The following WDFY4 variants were observed in gnomAD, a reference collection of about 807,000 sequenced individuals.
WDFY4 encodes the protein WDFY family member 4.
A neutral mutation model predicts 351.9 loss-of-function variants in WDFY4; 169 were observed. The observed-to-expected ratio is 0.48, with a 90% confidence interval of 0.42 to 0.55. The LOEUF (loss-of-function observed/expected upper bound fraction) is 0.55. Among genes scored for constraint, WDFY4 ranks in the 20% least tolerant of loss-of-function variants. WDFY4 has a pLI of 0.00. For missense variants in WDFY4, 3,803 were observed against 3,935.6 expected (o/e 0.97, Z 0.90); for synonymous variants, 1,622 against 1,574.6 (o/e 1.03, Z -0.71).
intron 13 of WDFY4, among the ~76,000 whole-genome samples, chr10:48,762,632 C>G (rs927099491): frequency 7.9e-5 from 12 of 152,212 alleles, no homozygotes; most frequent in Admixed American, 7.9e-4. Flanking sequence ...GGCTGGCTCC[C>G]TGGCAAAGGG....
intron 19 of WDFY4, among the ~76,000 whole-genome samples, chr10:48,781,226 A>G (rs1269361891): frequency 6.8e-6 from 1 of 146,668 alleles, no homozygotes; most frequent in East Asian, 2.0e-4. Flanking sequence ...AAATATATAT[A>G]TATGTGTGTG....
Position 48,900,248 on chromosome 10 carries a change from A to G in WDFY4, c.7465A>G (p.Asn2489Asp), listed in dbSNP as rs202238445. The change falls in exon 46 of 62, where the codon AAT becomes GAT. Residue 2489 changes from asparagine (N) to aspartate (D), a missense_variant. By Grantham distance (23) the Asn-to-Asp change is conservative (BLOSUM62 1). Transcript: ENST00000325239. ...QDIALEIFFH[N>D]GYSKFLVFYN... is the part of the protein sequence containing the mutation. Reference sequence around the variant, plus strand: ...CATCGCCCTGGAGATCTTCTTCCACAATGGATATTCCAAGTTTCTTGTCTT... The same window carrying G: ...CATCGCCCTGGAGATCTTCTTCCACGATGGATATTCCAAGTTTCTTGTCTT... 1.7e-4 allele frequency: 261 copies of G among 1,551,710 alleles called. No individual in the cohort carries two copies. The African/African-American group carries it at 3.0e-3, about 18-fold the overall frequency.
chr10:48,907,880 C>T (rs1364397501), intron 47 of WDFY4, among the ~76,000 whole-genome samples: 4 of 152,218 alleles, frequency 2.6e-5, no homozygotes, highest in African/African-American at 9.7e-5. Context: ...CTACTCATAT[C>T]CTCTGTCTAT....
chr10:48,743,786 A>C (rs1421347195), intron 12 of WDFY4, among the ~76,000 whole-genome samples: 2 of 152,174 alleles, frequency 1.3e-5, no homozygotes, highest in African/African-American at 2.4e-5. Context: ...GAGTCACATA[A>C]GAACCAGGGA....
In WDFY4 at chr10:48,927,099, T is replaced by C. The variant is rs936155893; in HGVS notation, c.7587-14707T>C. Among the ~76,000 whole-genome samples the C allele has an allele frequency of 2.6e-5, 4 of 152,328 alleles. No individual in the cohort carries two copies. The South Asian group carries it at 8.3e-4, about 32-fold the overall frequency. On this transcript the variant is annotated intron_variant, in intron 47 of 61. Transcript: ENST00000325239. ...TGCCCCTGTATCAGGGGCGGCTGTATGCAGACTGCCTGAAGTTTGATTTTT... is the reference window on the plus strand; with the variant it reads ...TGCCCCTGTATCAGGGGCGGCTGTACGCAGACTGCCTGAAGTTTGATTTTT...
chr10:48,958,375 A>T (rs1841705283), intron 52 of WDFY4, among the ~76,000 whole-genome samples: 1 of 151,312 alleles, frequency 6.6e-6, no homozygotes, highest in African/African-American at 2.4e-5. Context: ...AGCAGGAGTC[A>T]CTCAGGGAGG....
intron 40 of WDFY4, among the ~76,000 whole-genome samples, chr10:48,870,242 G>T (rs1229417278): frequency 6.6e-6 from 1 of 152,148 alleles, no homozygotes; most frequent in African/African-American, 2.4e-5. Flanking sequence ...GCTGTGATTC[G>T]AAAATCATAA....
In WDFY4 at chr10:48,824,283, G is replaced by A. The variant is rs369440851; in HGVS notation, c.5982+1746G>A. 4.1e-5 allele frequency: 30 copies of A among 728,600 alleles called. 1 individual carries two copies. The East Asian group carries it at 1.1e-3, about 26-fold the overall frequency. The allele number at this position is 728,600 out of a possible 1,614,324, so 45.1% of individuals were successfully genotyped here. On this transcript the variant is annotated intron_variant, in intron 35 of 61. Transcript: ENST00000325239. ...CTTATCCGTACAGTGGGGTAACTTA[G>A]CGTCTATGGTGTTTTTATGACAAAC...
chr10:48,726,088 A>G lies in WDFY4; in HGVS notation c.781+18A>G, dbSNP rs1319696767. The G allele has an allele frequency of 6.5e-7, 1 of 1,530,690 alleles. No homozygotes were observed. The highest frequency in any genetic ancestry group is 1.2e-5 in the South Asian group (1 of 83,654). The allele number at this position is 1,530,690 out of a possible 1,614,324, so 94.8% of individuals were successfully genotyped here. A position where few individuals can be genotyped will look rare whatever the true frequency, so the allele number is the denominator to read the frequency against. On this transcript the variant is annotated intron_variant, in intron 6 of 61. Transcript: ENST00000325239. ...CCTGCAGGGTATGGCCCGGGAAATT[A>G]GATGTGGGCTGTGGGCCATGCAAGG...
chr10:48,758,525 G>A (rs867676505), intron 12 of WDFY4, among the ~76,000 whole-genome samples: 2 of 151,960 alleles, frequency 1.3e-5, no homozygotes, highest in Non-Finnish European at 2.9e-5. Context: ...ACTCTTTCTC[G>A]TCTCCTTGGA....
At chr10:48,739,893 G>A (rs1167800931) in intron 11 of WDFY4, among the ~76,000 whole-genome samples, 1 of 152,114 alleles carries the variant, frequency 6.6e-6, no homozygotes, top group Non-Finnish European at 1.5e-5. Context: ...TTTGAGTGAT[G>A]GAGTTCTTTT....
intron 19 of WDFY4, among the ~76,000 whole-genome samples, chr10:48,785,242 T>TA (rs1455629034): frequency 3.2e-4 from 49 of 152,216 alleles, no homozygotes; most frequent in Non-Finnish European, 1.6e-4. Context: ...TACATATATA[T>TA]TCTAGACACT....
At chr10:48,746,292 G>A (rs1482679732) in intron 12 of WDFY4, among the ~76,000 whole-genome samples, 1 of 152,206 alleles carries the variant, frequency 6.6e-6, no homozygotes, top group African/African-American at 2.4e-5. Context: ...TTCTTATGGA[G>A]TCTAAATTTT....
At chr10:48,710,004 C>A in intron 2 of WDFY4, 38 bp downstream of exon 2, 1 of 1,496,350 alleles carries the variant, frequency 6.7e-7, no homozygotes, top group South Asian at 1.3e-5. Flanking sequence ...AGGTGATAGG[C>A]GCTCTGGGAC....
chr10:48,775,739 A>G lies in WDFY4; in HGVS notation c.2796A>G (p.Ser932=), dbSNP rs1197155816. 8 of 1,551,684 alleles carry G rather than the reference A, an allele frequency of 5.2e-6. No homozygotes were observed. Among genetic ancestry groups the G allele is most frequent in the Non-Finnish European group, 7.0e-6 (8 of 1,146,980 alleles). Residue 932 remains serine, a synonymous_variant, in exon 15 of 62, where the codon TCA becomes TCG. Coordinates refer to ENST00000325239, the MANE Select transcript of WDFY4 (RefSeq NM_001394531.1). ...AGTTTCTAGGTCTTGGAATTCCCTCATCTCTGTCGGCCACAACAAAAATCC... is the reference window on the plus strand; with the variant it reads ...AGTTTCTAGGTCTTGGAATTCCCTCGTCTCTGTCGGCCACAACAAAAATCC... ...LRQFLGLGIP[S]SLSATTKILD... is the part of the protein sequence containing the mutation.
rs1297858206 is a variant in WDFY4, at chr10:48,897,551, C to T, written c.7414C>T (p.Arg2472Trp). 1.2e-5 allele frequency: 19 copies of T among 1,548,950 alleles called. No homozygotes were observed. The highest frequency in any genetic ancestry group is 1.4e-5 in the Non-Finnish European group (16 of 1,146,960). The change falls in exon 45 of 62, where the codon CGG becomes TGG. Residue 2472 changes from arginine (R) to tryptophan (W), a missense_variant. This residue lies in a region of WDFY4 where 3,054 missense variants were observed against 3,148.6 expected (regional missense o/e 0.97). Transcript: ENST00000325239. ...CHSYADMREL[R>W]QARFLLQDIA... The stretch of plus-strand genomic sequence containing the variant: ...CAGCTACGCTGACATGCGGGAGCTA[C>T]GGCAGGCTCGCTTCCTCCTGCAGGT...
chr10:48,910,118 G>T, intron 47 of WDFY4: 3 of 959,620 alleles, frequency 3.1e-6, no homozygotes, highest in Non-Finnish European at 3.4e-6. Flanking sequence ...CAGCTCCGGC[G>T]AGCCTGGTTT....
chr10:48,733,893 A>G lies in WDFY4; in HGVS notation c.1583-38A>G, dbSNP rs1487095671. 2.6e-6 allele frequency: 4 copies of G among 1,537,070 alleles called. No homozygotes were observed. In the African/African-American group the frequency reaches 4.1e-5, roughly 16 times the overall value. ...AGAGATTTGCGGTCATACCACATGT[A>G]CTTAATTTATTTTGTTATTTCTTCT... is the stretch of plus-strand genomic sequence containing the variant. On this transcript the variant is annotated intron_variant, in intron 9 of 61. Transcript: ENST00000325239.
In WDFY4 at chr10:48,822,396, G is replaced by A. The variant is rs756849931; in HGVS notation, c.5841G>A (p.Gln1947=). The A allele has an allele frequency of 3.2e-6, 5 of 1,547,958 alleles. No individual in the cohort carries two copies. The highest frequency in any genetic ancestry group is 2.4e-5 in the South Asian group (2 of 83,170). Residue 1947 remains glutamine, a synonymous_variant, in exon 35 of 62, where the codon CAG becomes CAA. Transcript: ENST00000325239. The part of the protein sequence containing the change: ...AAMFRDGKEP[Q]PSAEAAAAPS... The stretch of plus-strand genomic sequence containing the variant: ...ACTCCACAGACGGCAAAGAGCCTCA[G>A]CCAAGTGCAGAAGCTGCTGCTGCCC...
Sources: gnomAD v4.1 joint callset for allele counts (sites outside exome capture counted in the v4.1 genomes callset) on GRCh38, gnomAD v4.1.1 for gene constraint, gnomAD v4.1.1 regional missense constraint, MANE v1.5 for transcripts, NCBI Gene and HGNC (gene_info 2026-07-23, HGNC 2026-07-21) for gene names.